The following SLC43A2 variants were observed in gnomAD, a reference collection of about 807,000 sequenced individuals.
SLC43A2 encodes the protein large neutral amino acids transporter small subunit 4.
In SLC43A2, 38 loss-of-function variants were observed where a neutral mutation model predicts 63.2. That is an observed-to-expected ratio of 0.60 (90% CI 0.46 to 0.79). The LOEUF (loss-of-function observed/expected upper bound fraction) is 0.79, where lower values mean the gene tolerates loss of function less well. Ranked by LOEUF, SLC43A2 falls within the 30% of genes least tolerant of loss-of-function variation. SLC43A2 has a pLI of 0.00. For synonymous variants in SLC43A2, 322 were observed against 331.0 expected (o/e 0.97, Z 0.30); for missense variants, 644 against 756.2 (o/e 0.85, Z 1.74).
Position 1,575,721 on chromosome 17 carries a change from G to A in SLC43A2, c.1593C>T (p.Leu531=). Residue 531 remains leucine, a synonymous_variant, in exon 14 of 14, where the codon CTC becomes CTT. Coordinates refer to ENST00000301335, the MANE Select transcript of SLC43A2 (RefSeq NM_152346.3). Reference sequence around the variant, plus strand: ...GCCGGTAGCAGATCAGGTAGAGCGGGAGGCAGAAGCCCAGCAGGCTGAGAA... The same window carrying A: ...GCCGGTAGCAGATCAGGTAGAGCGGAAGGCAGAAGCCCAGCAGGCTGAGAA... ...LLLLSLLGFC[L]PLYLICYRRQ... 6.2e-7 allele frequency: 1 copy of A among 1,613,726 alleles called. No homozygotes were observed. The highest frequency in any genetic ancestry group is 1.1e-5 in the South Asian group (1 of 91,054).
At chr17:1,627,601 C>T in intron 2 of SLC43A2, 114 bp downstream of exon 2, 1 of 1,093,222 alleles carries the variant, frequency 9.1e-7, no homozygotes, top group Non-Finnish European at 1.3e-6. Context: ...CTTCTGATAC[C>T]CTAGAGGCAC....
At chr17:1,588,329 T>G (rs1313098854) in intron 9 of SLC43A2, among the ~76,000 whole-genome samples, 1 of 151,324 alleles carries the variant, frequency 6.6e-6, no homozygotes, top group Non-Finnish European at 1.5e-5. Context: ...GAGGTTGCAG[T>G]GAGCCGAGCT....
At chr17:1,619,562 C>T (rs903438525) in intron 2 of SLC43A2, among the ~76,000 whole-genome samples, 2 of 152,158 alleles carry the variant, frequency 1.3e-5, no homozygotes, top group Non-Finnish European at 2.9e-5. Context: ...TCCTCGAGCC[C>T]GTCAGGGTGG....
intron 5 of SLC43A2, among the ~76,000 whole-genome samples, chr17:1,601,072 GTT>G (rs1230557766): frequency 4.0e-5 from 6 of 151,058 alleles, no homozygotes; most frequent in African/African-American, 1.5e-4. Flanking sequence ...GGTGGTGTTT[GTT>G]TGTTTGTTTG....
chr17:1,579,329 C>T (rs1437407356), intron 11 of SLC43A2, among the ~76,000 whole-genome samples: 4 of 149,752 alleles, frequency 2.7e-5, no homozygotes, highest in Admixed American at 6.7e-5. Context: ...GGTGTGGTGG[C>T]GGGCGCCTGT....
Position 1,585,959 on chromosome 17 carries a change from C to T in SLC43A2, c.1171G>A (p.Glu391Lys). The change falls in exon 10 of 14, where the codon GAG becomes AAG. Residue 391 changes from glutamate (E) to lysine (K), a missense_variant. Glu to Lys is a moderately conservative substitution (Grantham distance 56, BLOSUM62 1). Coordinates refer to ENST00000301335, the MANE Select transcript of SLC43A2 (RefSeq NM_152346.3). The part of the protein sequence containing the change: ...IGYIMDWRLK[E>K]CEDASEEPEE... Reference sequence around the variant, plus strand: ...GGCTCCTCGGAGGCGTCTTCACACTCCTTCAGCCTCCAGTCCATGATGTAG... The same window carrying T: ...GGCTCCTCGGAGGCGTCTTCACACTTCTTCAGCCTCCAGTCCATGATGTAG... The T allele has an allele frequency of 6.2e-7, 1 of 1,613,510 alleles. No individual in the cohort carries two copies. The highest frequency in any genetic ancestry group is 8.5e-7 in the Non-Finnish European group (1 of 1,179,986).
intron 1 of SLC43A2, among the ~76,000 whole-genome samples, chr17:1,628,528 G>A (rs1468304272): frequency 1.3e-5 from 2 of 152,052 alleles, no homozygotes; most frequent in Admixed American, 6.5e-5. Context: ...CAGCGTGGGA[G>A]ACGAGGAGCC....
In SLC43A2 at chr17:1,591,628, G is replaced by C. The variant is rs199536013; in HGVS notation, c.666C>G (p.Phe222Leu). The C allele has an allele frequency of 9.7e-6, 15 of 1,542,400 alleles. No homozygotes were observed. Among genetic ancestry groups the C allele is most frequent in the Non-Finnish European group, 1.3e-5 (15 of 1,143,298 alleles). Residue 222 changes from phenylalanine (F) to leucine (L), a missense_variant, in exon 7 of 14, where the codon TTC becomes TTG. Phe to Leu is a conservative substitution (Grantham distance 22, BLOSUM62 0). Around this residue, in one of 3 missense-constraint regions of SLC43A2, gnomAD observed 528 missense variants for 623.6 expected, o/e 0.85. Transcript: ENST00000301335. ...VVWAGCSGLVFLNCFFNWPLE... is the reference protein window; with the variant it reads ...VVWAGCSGLVLLNCFFNWPLE... ...GGGGCCAGTTAAAGAAGCAGTTGAG[G>C]AAAACCAGCCCGGAGCAGCCGGCCC...
intron 2 of SLC43A2, among the ~76,000 whole-genome samples, chr17:1,621,180 G>C (rs1256892465): frequency 6.6e-6 from 1 of 152,182 alleles, no homozygotes. Flanking sequence ...CTTTACAGAG[G>C]AATCAGGGAG....
rs988763338 is a variant in SLC43A2 at position 1,577,308 on chromosome 17, C to T, written c.1425-588G>A. Among the ~76,000 whole-genome samples the T allele has an allele frequency of 6.6e-6, 1 of 152,322 alleles. No homozygotes were observed. Among genetic ancestry groups the T allele is most frequent in the East Asian group, 1.9e-4 (1 of 5,186 alleles). On this transcript the variant is annotated intron_variant, in intron 12 of 13. Transcript: ENST00000301335. This position sits in a 1 kb window ranked among gnomAD's most constrained non-coding sequence, Gnocchi z 4.9. ...AAAGCGTGGTGCCAGCGGGGACCTG[C>T]GGTTTGGGAAACAGGCCCAGAGAGG...
intron 8 of SLC43A2, 133 bp from the exon 9 acceptor site, chr17:1,591,081 G>A (rs1376145412): frequency 2.4e-6 from 3 of 1,251,000 alleles, no homozygotes; most frequent in Non-Finnish European, 3.3e-6. Flanking sequence ...CGGGGTTGGC[G>A]CTGCGGTGGG....
At chr17:1,619,812 G>A (rs1907990181) in intron 2 of SLC43A2, among the ~76,000 whole-genome samples, 1 of 152,246 alleles carries the variant, frequency 6.6e-6, no homozygotes, top group Admixed American at 6.5e-5. Flanking sequence ...GTGACAGAGA[G>A]GATGGATGGA....
chr17:1,583,711 T>G lies in SLC43A2; in HGVS notation c.1218-375A>C. On this transcript the variant is annotated intron_variant, in intron 10 of 13. Transcript: ENST00000301335. This position sits in a 1 kb window ranked among gnomAD's most constrained non-coding sequence, Gnocchi z 5.5. Reference sequence around the variant, plus strand: ...TCACCCAAATCTTGCAGGACGCTGATAAGAAGCCAGATACAAGCCAAATAG... The same window carrying G: ...TCACCCAAATCTTGCAGGACGCTGAGAAGAAGCCAGATACAAGCCAAATAG... 1 of 210,388 alleles carries G rather than the reference T, an allele frequency of 4.8e-6. No homozygotes were observed. The highest frequency in any genetic ancestry group is 1.1e-4 in the East Asian group (1 of 9,260). The allele number at this position is 210,388 out of a possible 1,614,324, so 13.0% of individuals were successfully genotyped here. A position where few individuals can be genotyped will look rare whatever the true frequency, so the allele number is the denominator to read the frequency against.
At chr17:1,588,567 C>T (rs184288434) in intron 9 of SLC43A2, among the ~76,000 whole-genome samples, 2 of 151,438 alleles carry the variant, frequency 1.3e-5, no homozygotes, top group Admixed American at 1.3e-4. Flanking sequence ...CATGGTGGCA[C>T]ACACCTGTAG....
intron 5 of SLC43A2, among the ~76,000 whole-genome samples, chr17:1,602,851 C>T (rs1279555234): frequency 5.3e-5 from 8 of 150,618 alleles, no homozygotes; most frequent in Non-Finnish European, 1.2e-4. Flanking sequence ...CTCCACCTCC[C>T]GGGTTCATGC....
chr17:1,618,444 C>T (rs967397633), intron 2 of SLC43A2, among the ~76,000 whole-genome samples: 11 of 152,210 alleles, frequency 7.2e-5, no homozygotes, highest in African/African-American at 2.2e-4. Flanking sequence ...CTGCTGTTCT[C>T]GTGGTTATCA....
chr17:1,603,970 C>A (rs1446944960), intron 5 of SLC43A2, among the ~76,000 whole-genome samples: 1 of 152,184 alleles, frequency 6.6e-6, no homozygotes, highest in African/African-American at 2.4e-5. Flanking sequence ...CAGTTTGGAT[C>A]CCACGGCTTT....
chr17:1,591,356 C>T lies in SLC43A2; in HGVS notation c.844G>A (p.Ala282Thr). ...TCCTGCAGCGCCACCTGCTCCTTGGCACTCCTCATGGAGCTGCCCACACTC... is the reference window on the plus strand; with the variant it reads ...TCCTGCAGCGCCACCTGCTCCTTGGTACTCCTCATGGAGCTGCCCACACTC... Reference protein sequence around the residue: ...RLSVGSSMRSAKEQVALQEGH... With the variant: ...RLSVGSSMRSTKEQVALQEGH... Residue 282 changes from alanine (A) to threonine (T), a missense_variant, in exon 8 of 14, where the codon GCC becomes ACC. Coordinates refer to ENST00000301335, the MANE Select transcript of SLC43A2 (RefSeq NM_152346.3). 1.9e-6 allele frequency: 3 copies of T among 1,611,500 alleles called. No homozygotes were observed. The highest frequency in any genetic ancestry group is 1.7e-6 in the Non-Finnish European group (2 of 1,179,978).
rs151158328 is a variant in SLC43A2 at position 1,581,968 on chromosome 17, A to C, written c.1350+1236T>G. ...ATTACAGGCATGTGCCACCACGCCC[A>C]GCTAATTTTTGTAATTTTAGTAGAG... On this transcript the variant is annotated intron_variant, in intron 11 of 13. Coordinates refer to ENST00000301335, the MANE Select transcript of SLC43A2 (RefSeq NM_152346.3). Among the ~76,000 whole-genome samples, 6 of 151,620 alleles carry C rather than the reference A, an allele frequency of 4.0e-5. 1 individual carries two copies. The highest frequency in any genetic ancestry group is 8.8e-5 in the Non-Finnish European group (6 of 67,960).
Sources: allele counts gnomAD v4.1 joint callset (sites outside exome capture counted in the v4.1 genomes callset), GRCh38; gene constraint gnomAD v4.1.1; regional missense constraint gnomAD v4.1.1; non-coding constraint Gnocchi (gnomAD v3.1); transcripts MANE v1.5; gene names NCBI Gene and HGNC (gene_info 2026-07-23, HGNC 2026-07-21).